Variants in ABCG1 observed in about 807,000 individuals in gnomAD.
ABCG1 encodes ATP-binding cassette sub-family G member 1.
A neutral mutation model predicts 69.2 loss-of-function variants in ABCG1; 29 were observed. The ratio of observed to expected loss-of-function variants is 0.42; its 90% confidence interval spans 0.31 to 0.57. The LOEUF (loss-of-function observed/expected upper bound fraction) is 0.57. ABCG1 is among the 20% of genes least tolerant of loss of function. ABCG1 has a pLI of 0.15. For missense variants in ABCG1, 718 were observed against 898.1 expected (o/e 0.80, Z 2.56); for synonymous variants, 370 against 374.8 (o/e 0.99, Z 0.15).
intron 1 of ABCG1, among the ~76,000 whole-genome samples, chr21:42,222,063 T>C (rs1002307093): frequency 1.3e-5 from 2 of 152,126 alleles, no homozygotes; most frequent in African/African-American, 2.4e-5. Context: ...TGACGTACAA[T>C]GTATTGTGCA....
At chr21:42,279,086 G>A (rs2068759934) in intron 5 of ABCG1, among the ~76,000 whole-genome samples, 1 of 152,096 alleles carries the variant, frequency 6.6e-6, no homozygotes, top group Non-Finnish European at 1.5e-5. Flanking sequence ...TGCTTTCATG[G>A]GGTGTCGGAA....
intron 2 of ABCG1, among the ~76,000 whole-genome samples, chr21:42,268,184 A>G (rs2068548411): frequency 6.6e-6 from 1 of 152,200 alleles, no homozygotes; most frequent in African/African-American, 2.4e-5. Context: ...GAGAGCCCAC[A>G]AGGACAGGGA....
intron 2 of ABCG1, among the ~76,000 whole-genome samples, chr21:42,242,691 C>G (rs1332320633): frequency 2.0e-5 from 3 of 152,174 alleles, no homozygotes; most frequent in Admixed American, 6.5e-5. Context: ...TGTTCCGGCT[C>G]TTGTGTTATT....
At chr21:42,258,725 G>A (rs1333902551) in intron 2 of ABCG1, among the ~76,000 whole-genome samples, 1 of 152,098 alleles carries the variant, frequency 6.6e-6, no homozygotes, top group Non-Finnish European at 1.5e-5. Flanking sequence ...TGCCTCTCAG[G>A]GGAGTAGGGC....
intron 2 of ABCG1, among the ~76,000 whole-genome samples, chr21:42,266,900 G>C (rs561458536): frequency 5.3e-5 from 8 of 152,244 alleles, no homozygotes; most frequent in Non-Finnish European, 1.0e-4. Flanking sequence ...GCCCTGCTCA[G>C]ACCCCATTCT....
rs1159821203 is a variant in ABCG1, at chr21:42,219,447, GC to G, written c.42+146del. Reference sequence around the variant, plus strand: ...CTGACCCAGGGCACCCTAGAGTGGCGCCCGGCTCCGATCGCTGCCCCTGCCC... The same window carrying G: ...CTGACCCAGGGCACCCTAGAGTGGCGCCGGCTCCGATCGCTGCCCCTGCCC... On this transcript the variant is annotated intron_variant, in intron 1 of 14. Coordinates refer to ENST00000398449, the MANE Select transcript of ABCG1 (RefSeq NM_016818.3). This position sits in a 1 kb window ranked among gnomAD's most constrained non-coding sequence, Gnocchi z 5.3. The G allele has an allele frequency of 5.8e-6, 7 of 1,209,816 alleles. No individual in the cohort carries two copies. The African/African-American group carries it at 1.1e-4, about 19-fold the overall frequency. The allele number at this position is 1,209,816 out of a possible 1,614,324, so 74.9% of individuals were successfully genotyped here.
At chr21:42,260,261 C>A in intron 2 of ABCG1, 4 of 1,500,372 alleles carry the variant, frequency 2.7e-6, no homozygotes, top group Middle Eastern at 1.7e-4. Context: ...TAGGACCCAG[C>A]TTCCACCACG....
chr21:42,256,089 T>C, intron 2 of ABCG1: 1 of 1,249,148 alleles, frequency 8.0e-7, no homozygotes, highest in Non-Finnish European at 1.0e-6. Flanking sequence ...ACCCTTTCTT[T>C]CCAAGGGTCT....
At chr21:42,284,189 C>T (rs558340264) in intron 6 of ABCG1, among the ~76,000 whole-genome samples, 89 of 78,142 alleles carry the variant, frequency 1.1e-3, no homozygotes, top group Non-Finnish European at 1.3e-3. Context: ...CCCGCCTGGA[C>T]AGTTGCAAAG....
chr21:42,224,124 G>A (rs1402860602), intron 1 of ABCG1, among the ~76,000 whole-genome samples: 1 of 152,232 alleles, frequency 6.6e-6, no homozygotes, highest in Non-Finnish European at 1.5e-5. Context: ...TGTGTGGCAA[G>A]GTGGGGATGG....
intron 1 of ABCG1, chr21:42,221,377 T>C (rs898054016): frequency 6.6e-6 from 1 of 152,222 alleles, no homozygotes; most frequent in African/African-American, 2.4e-5. Flanking sequence ...AGCTTTGCTT[T>C]TCCTTCACCT....
intron 2 of ABCG1, among the ~76,000 whole-genome samples, chr21:42,254,647 C>T (rs771825412): frequency 1.3e-4 from 20 of 152,144 alleles, no homozygotes; most frequent in Non-Finnish European, 2.6e-4. Flanking sequence ...TGGAGGCGGT[C>T]GATGAGAAGG....
intron 2 of ABCG1, among the ~76,000 whole-genome samples, chr21:42,265,408 G>A (rs1217281239): frequency 1.3e-5 from 2 of 152,198 alleles, no homozygotes; most frequent in Non-Finnish European, 2.9e-5. Flanking sequence ...AGTAGGGTGG[G>A]CCCCTGATCT....
At chr21:42,244,390 C>T (rs1298574522) in intron 2 of ABCG1, among the ~76,000 whole-genome samples, 1 of 152,184 alleles carries the variant, frequency 6.6e-6, no homozygotes, top group Non-Finnish European at 1.5e-5. Context: ...AGAAGGTCGG[C>T]CATTTCCACC....
chr21:42,210,609 T>G (rs2067579171), intron 2 of ABCG1, among the ~76,000 whole-genome samples: 1 of 152,254 alleles, frequency 6.6e-6, no homozygotes, highest in Non-Finnish European at 1.5e-5. Context: ...AATACTTAAC[T>G]TGTCTTGTCT....
rs539086047 is a variant in ABCG1, at chr21:42,273,833, G to A, written c.537+398G>A. On this transcript the variant is annotated intron_variant, in intron 4 of 14. Coordinates refer to ENST00000398449, the MANE Select transcript of ABCG1 (RefSeq NM_016818.3). The surrounding 1 kb of genome is among the most constrained non-coding windows in gnomAD (Gnocchi z 5.3). ...GTGTCTTTGGCCCAAGCACCCACTCGCCTGGTGCCTTGGTCAGGATACCAA... is the reference window on the plus strand; with the variant it reads ...GTGTCTTTGGCCCAAGCACCCACTCACCTGGTGCCTTGGTCAGGATACCAA... 2.0e-5 allele frequency among the ~76,000 whole-genome samples: 3 copies of A among 152,120 alleles called. No individual in the cohort carries two copies. Among genetic ancestry groups the A allele is most frequent in the Non-Finnish European group, 4.4e-5 (3 of 68,034 alleles).
intron 3 of ABCG1, among the ~76,000 whole-genome samples, chr21:42,272,944 AAT>A (rs2068642034): frequency 6.6e-6 from 1 of 152,112 alleles, no homozygotes; most frequent in Non-Finnish European, 1.5e-5. Context: ...AACCCCCACA[AAT>A]CCAGGGGCTG....
At chr21:42,228,557 T>G (rs1401008038) in intron 2 of ABCG1, among the ~76,000 whole-genome samples, 1 of 152,234 alleles carries the variant, frequency 6.6e-6, no homozygotes, top group East Asian at 1.9e-4. Context: ...GTTAAGGGAC[T>G]TGCCCATGCT....
intron 2 of ABCG1, among the ~76,000 whole-genome samples, chr21:42,235,408 C>G (rs1461403421): frequency 6.6e-6 from 1 of 152,182 alleles, no homozygotes; most frequent in Admixed American, 6.5e-5. Flanking sequence ...CGAAAAGAGT[C>G]AAACTAAAAC....
Sources: gnomAD v4.1 joint callset for allele counts (sites outside exome capture counted in the v4.1 genomes callset) on GRCh38, gnomAD v4.1.1 for gene constraint, Gnocchi (gnomAD v3.1) non-coding constraint, MANE v1.5 for transcripts, NCBI Gene and HGNC (gene_info 2026-07-23, HGNC 2026-07-21) for gene names.